The following ZFC3H1 variants were observed in gnomAD, a reference collection of about 807,000 sequenced individuals.
The protein encoded by ZFC3H1 is zinc finger C3H1-type containing.
In ZFC3H1, 71 loss-of-function variants were observed where a neutral mutation model predicts 243.7. That is an observed-to-expected ratio of 0.29 (90% CI 0.24 to 0.36). ZFC3H1 has a LOEUF of 0.36. ZFC3H1 is among the 10% of genes least tolerant of loss of function. The probability of loss-of-function intolerance (pLI) is 1.00; values close to 1 mark genes in which losing one functional copy is unlikely to be tolerated. For synonymous variants in ZFC3H1, 838 were observed against 813.0 expected, an observed-to-expected ratio of 1.03 and a Z score of -0.52; for missense variants, 1,966 against 2,317.1, an observed-to-expected ratio of 0.85 and a Z score of 3.11.
At chr12:71,627,579 T>A (rs1880201721) in intron 21 of ZFC3H1, among the ~76,000 whole-genome samples, 172 bp downstream of exon 21, 1 of 152,212 alleles carries the variant, frequency 6.6e-6, no homozygotes, top group Non-Finnish European at 1.5e-5. Flanking sequence ...CAAGATCTAA[T>A]CTTAAACTTG....
rs12303941 is a variant in ZFC3H1 at position 71,650,144 on chromosome 12, C to T, written c.1016-2331G>A. ...TGGAGCCTGCCGTGAGCCGAGATCA[C>T]GCCACTGCACTCCAGCCTGGGCAAC... On this transcript the variant is annotated intron_variant, in intron 2 of 34. Coordinates refer to ENST00000378743, the MANE Select transcript of ZFC3H1 (RefSeq NM_144982.5). Among the ~76,000 whole-genome samples, 321 of 152,180 alleles carry T rather than the reference C, an allele frequency of 2.1e-3. 2 individuals are homozygous for T. Among genetic ancestry groups the T allele is most frequent in the African/African-American group, 7.3e-3 (305 of 41,526 alleles).
rs1050472588 is a variant in ZFC3H1 at position 71,657,356 on chromosome 12, A to C, written c.599-55T>G. 1.7e-5 allele frequency: 22 copies of C among 1,271,822 alleles called. No individual in the cohort carries two copies. The African/African-American group carries it at 3.0e-4, about 17-fold the overall frequency. 78.8% of individuals were successfully genotyped at this position (1,271,822 alleles called of 1,614,324 possible). A position where few individuals can be genotyped will look rare whatever the true frequency, so the allele number is the denominator to read the frequency against. ...CAAAAATTTTCCACAGTTAAATTTA[A>C]CAAAAAAACTTAGATTATAGATGAA... On this transcript the variant is annotated intron_variant, in intron 1 of 34. Coordinates refer to ENST00000378743, the MANE Select transcript of ZFC3H1 (RefSeq NM_144982.5).
rs746826459 is a variant in ZFC3H1, at chr12:71,627,731, A to C, written c.4130+20T>G. ...ATATAAATGTGCAACTGTTTACACA[A>C]AGATTTGAAGTTGACCTACCCCTCA... is the stretch of plus-strand genomic sequence containing the variant. On this transcript the variant is annotated intron_variant, in intron 21 of 34. Transcript: ENST00000378743. 1 of 1,592,348 alleles carries C rather than the reference A, an allele frequency of 6.3e-7. No homozygotes were observed.
chr12:71,640,953 T>C (rs1592596623), intron 6 of ZFC3H1, among the ~76,000 whole-genome samples: 1 of 152,158 alleles, frequency 6.6e-6, no homozygotes, highest in South Asian at 2.1e-4. Flanking sequence ...ATGTTTTTAA[T>C]GCACATTTCT....
At chr12:71,623,312 A>G (rs377583080) in intron 24 of ZFC3H1, 48 bp downstream of exon 24, 3 of 1,425,050 alleles carry the variant, frequency 2.1e-6, no homozygotes, top group African/African-American at 2.9e-5. Flanking sequence ...TGTTCTAAAC[A>G]CTGATGTTAT....
chr12:71,616,772 AAG>A (rs1435905834), intron 27 of ZFC3H1, among the ~76,000 whole-genome samples: 1 of 152,158 alleles, frequency 6.6e-6, no homozygotes, highest in East Asian at 1.9e-4. Context: ...AAACACAAGA[AAG>A]AGAAGAAATA....
chr12:71,610,351 A>T lies in ZFC3H1; in HGVS notation c.*77T>A. On this transcript the variant is annotated 3_prime_UTR_variant, in exon 35 of 35. Transcript: ENST00000378743. ...TGCCTTACACAGACCTTAGCCAGGG[A>T]TCAGCCTAATCTTGAAGAATCATTC... 6.6e-7 allele frequency: 1 copy of T among 1,520,730 alleles called. No homozygotes were observed. The highest frequency in any genetic ancestry group is 8.9e-7 in the Non-Finnish European group (1 of 1,120,886). The allele number at this position is 1,520,730 out of a possible 1,614,324, so 94.2% of individuals were successfully genotyped here.
rs555656858 is a variant in ZFC3H1, at chr12:71,644,141, T to C, written c.1457A>G (p.Asn486Ser). The change falls in exon 5 of 35, where the codon AAT becomes AGT. Residue 486 changes from asparagine (N) to serine (S), a missense_variant. This residue lies in a region of ZFC3H1 where 8 missense variants were observed against 36.0 expected (regional missense o/e 0.22). Coordinates refer to ENST00000378743, the MANE Select transcript of ZFC3H1 (RefSeq NM_144982.5). ...GCCACCAACCAATTTCATGAATCGA[T>C]TGTACTGTTCTTCCTGATTTGAGAG... ...RDLSNQEEQY[N>S]RFMKLVGGKR... 1.2e-6 allele frequency: 2 copies of C among 1,613,984 alleles called. No individual in the cohort carries two copies. Among genetic ancestry groups the C allele is most frequent in the South Asian group, 2.2e-5 (2 of 91,050 alleles).
In ZFC3H1 at chr12:71,632,103, C is replaced by T. The variant is rs1366955502; in HGVS notation, c.3229G>A (p.Val1077Ile). The T allele has an allele frequency of 6.2e-7, 1 of 1,610,984 alleles. No individual in the cohort carries two copies. The highest frequency in any genetic ancestry group is 2.2e-5 in the East Asian group (1 of 44,836). ...CCTAGAAAAAGTTCTGGTTTTTCTA[C>T]AGTATTTTTATTAAGTTTGTTTATG... ...ECINKLNKNT[V>I]EKPELFLGLK... The change falls in exon 15 of 35, where the codon GTA (valine) becomes ATA (isoleucine). Residue 1077 changes from valine (V) to isoleucine (I), a missense_variant. Transcript: ENST00000378743.
chr12:71,611,105 A>AG lies in ZFC3H1; in HGVS notation c.5730-9_5730-8insC, dbSNP rs1879757574. On this transcript the variant is annotated splice_polypyrimidine_tract_variant and intron_variant, in intron 32 of 34. Coordinates refer to ENST00000378743, the MANE Select transcript of ZFC3H1 (RefSeq NM_144982.5). The stretch of plus-strand genomic sequence containing the variant: ...ATCTCAGCAGCAATGGCTCTAAGAG[A>AG]AAAAAAAAAAAAAAGAAATATAGAA... 1 of 643,386 alleles carries AG rather than the reference A, an allele frequency of 1.6e-6. No individual in the cohort carries two copies. The highest frequency in any genetic ancestry group is 2.0e-6 in the Non-Finnish European group (1 of 500,822). 39.9% of individuals were successfully genotyped at this position (643,386 alleles called of 1,614,324 possible).
chr12:71,656,827 T>G, intron 2 of ZFC3H1, 58 bp downstream of exon 2: 1 of 1,498,014 alleles, frequency 6.7e-7, no homozygotes, highest in South Asian at 1.3e-5. Context: ...CCAAAACAAG[T>G]AGTTACTACT....
chr12:71,613,537 A>G, intron 30 of ZFC3H1, 102 bp from the exon 31 acceptor site: 1 of 658,636 alleles, frequency 1.5e-6, no homozygotes, highest in African/African-American at 1.8e-5. Flanking sequence ...TAAGATATGA[A>G]TGTATAAATT....
chr12:71,622,405 C>T (rs944920399), intron 24 of ZFC3H1, among the ~76,000 whole-genome samples: 3 of 152,180 alleles, frequency 2.0e-5, no homozygotes, highest in African/African-American at 7.2e-5. Flanking sequence ...ATAATCTCTT[C>T]CCTTTGGGTT....
intron 24 of ZFC3H1, among the ~76,000 whole-genome samples, chr12:71,622,164 C>T (rs1880046844): frequency 6.6e-6 from 1 of 152,160 alleles, no homozygotes; most frequent in Non-Finnish European, 1.5e-5. Flanking sequence ...TTATTTAACT[C>T]CCCTAACAGT....
chr12:71,632,287 A>AT lies in ZFC3H1; in HGVS notation c.3044dup (p.His1015GlnfsTer2), dbSNP rs1346321321. On this transcript the variant is annotated frameshift_variant, in exon 15 of 35. Coordinates refer to ENST00000378743, the MANE Select transcript of ZFC3H1 (RefSeq NM_144982.5). LOFTEE classifies it high-confidence loss of function. ...GGGTTAATTTATCTTGTGTCAGATC[A>AT]TGAAGTGAGGGTTGAGGTAAAGAAA... 6.2e-7 allele frequency: 1 copy of AT among 1,613,900 alleles called. No homozygotes were observed. The highest frequency in any genetic ancestry group is 8.5e-7 in the Non-Finnish European group (1 of 1,179,878).
intron 21 of ZFC3H1, among the ~76,000 whole-genome samples, chr12:71,626,831 C>A (rs1315437321): frequency 6.6e-6 from 1 of 152,196 alleles, no homozygotes; most frequent in East Asian, 1.9e-4. Context: ...ACTGCAAGTA[C>A]AAAATATCAA....
At position 71,631,787 on chromosome 12, in the gene ZFC3H1, T is replaced by C; in HGVS notation, c.3461A>G (p.Lys1154Arg). 1 of 1,607,058 alleles carries C rather than the reference T, an allele frequency of 6.2e-7. No individual in the cohort carries two copies. The highest frequency in any genetic ancestry group is 2.2e-5 in the East Asian group (1 of 44,776). ...AATCTTTCTTTTATACCTGTAGGAC[T>C]TAAAAACTAGAAGAGGACTATGGTA... ...RPYHSPLLVF[K>R]SYRFSPYYRT... The change falls in exon 16 of 35, where the codon AAG becomes AGG. Residue 1154 changes from lysine to arginine, a missense_variant. Coordinates refer to ENST00000378743, the MANE Select transcript of ZFC3H1 (RefSeq NM_144982.5).
intron 32 of ZFC3H1, 104 bp downstream of exon 32, chr12:71,611,682 T>C: frequency 5.5e-6 from 1 of 180,364 alleles, no homozygotes; most frequent in Non-Finnish European, 1.0e-5. Flanking sequence ...AAAAAATATA[T>C]ATATATATAT....
In ZFC3H1 at chr12:71,663,337, C is replaced by A; in HGVS notation, c.274G>T (p.Ala92Ser). Residue 92 changes from alanine to serine, a missense_variant, in exon 1 of 35, where the codon GCG becomes TCG. By Grantham distance (99) the Ala-to-Ser change is moderately conservative. Coordinates refer to ENST00000378743, the MANE Select transcript of ZFC3H1 (RefSeq NM_144982.5). ...CCCCTGAGGTGGCCCCGCTCAGACG[C>A]GTGCCGCGAGCGTGAGAAATTCCTC... ...QLRNFSRSRH[A>S]SERGHLRGPS... The A allele has an allele frequency of 6.2e-7, 1 of 1,613,220 alleles. No individual in the cohort carries two copies. The highest frequency in any genetic ancestry group is 1.1e-5 in the South Asian group (1 of 91,084).
Sources: gnomAD v4.1 joint callset for allele counts (sites outside exome capture counted in the v4.1 genomes callset) on GRCh38, gnomAD v4.1.1 for gene constraint, gnomAD v4.1.1 regional missense constraint, MANE v1.5 for transcripts, NCBI Gene and HGNC (gene_info 2026-07-23, HGNC 2026-07-21) for gene names.